Variants in NFKB1 observed in about 807,000 individuals in gnomAD.
NFKB1 encodes nuclear factor kappa B subunit 1.
In NFKB1, 9 loss-of-function variants were observed where a neutral mutation model predicts 105.1. The ratio of observed to expected loss-of-function variants is 0.09; its 90% confidence interval spans 0.05 to 0.15. The LOEUF (loss-of-function observed/expected upper bound fraction) is 0.15. Among genes scored for constraint, NFKB1 ranks in the 10% least tolerant of loss-of-function variants. The pLI, the probability that NFKB1 is intolerant of heterozygous loss-of-function variation, is 1.00. For missense variants in NFKB1, 830 were observed against 1,203.7 expected, an observed-to-expected ratio of 0.69 and a Z score of 4.59; for synonymous variants, 440 against 442.2, an observed-to-expected ratio of 1.00 and a Z score of 0.06.
intron 3 of NFKB1, among the ~76,000 whole-genome samples, chr4:102,533,223 C>G (rs571198797): frequency 6.6e-6 from 1 of 151,848 alleles, no homozygotes; most frequent in Non-Finnish European, 1.5e-5. Flanking sequence ...TTGGGAGTGT[C>G]GGGGAGGAAA....
chr4:102,608,212 C>G (rs1288456688), intron 19 of NFKB1, among the ~76,000 whole-genome samples: 2 of 152,160 alleles, frequency 1.3e-5, no homozygotes, highest in Non-Finnish European at 2.9e-5. Flanking sequence ...TATTAAGACC[C>G]ATTATGTGGA....
At position 102,594,384 on chromosome 4, in the gene NFKB1, A is replaced by G. The variant is rs4648056; in HGVS notation, c.1211-508A>G. Among the ~76,000 whole-genome samples the G allele has an allele frequency of 4.9e-3, 747 of 152,312 alleles. 3 individuals are homozygous for G. The highest frequency in any genetic ancestry group is 8.5e-3 in the Non-Finnish European group (580 of 68,024). On this transcript the variant is annotated intron_variant, in intron 12 of 23. Transcript: ENST00000226574. ...AAATTAGAGTCTTTGTAGTAAAATT[A>G]CTACGTCAGAGGGCATGACATCTAA...
rs1049483974 is a variant in NFKB1, at chr4:102,598,358, C to T, written c.1637+697C>T. Among the ~76,000 whole-genome samples the T allele has an allele frequency of 2.6e-5, 4 of 152,236 alleles. No individual in the cohort carries two copies. In the South Asian group the frequency reaches 8.3e-4, roughly 32 times the overall value. On this transcript the variant is annotated intron_variant, in intron 15 of 23. Coordinates refer to ENST00000226574, the MANE Select transcript of NFKB1 (RefSeq NM_003998.4). ...AGCCTATAAAAATAACAAGAGACAGCAGCCTTCACATTCAAGTCAAGTGCC... is the reference window on the plus strand; with the variant it reads ...AGCCTATAAAAATAACAAGAGACAGTAGCCTTCACATTCAAGTCAAGTGCC...
intron 1 of NFKB1, among the ~76,000 whole-genome samples, chr4:102,517,202 C>G (rs1049207035): frequency 1.3e-5 from 2 of 152,116 alleles, no homozygotes; most frequent in African/African-American, 4.8e-5. Context: ...TCTTTGGGCT[C>G]TCCCTGTGTC....
chr4:102,612,653 CT>C (rs1158855936), intron 22 of NFKB1, 47 bp downstream of exon 22: 1 of 1,528,446 alleles, frequency 6.5e-7, no homozygotes, highest in African/African-American at 1.4e-5. Context: ...TGACTTTACT[CT>C]GTTAACATCT....
intron 23 of NFKB1, 90 bp from the exon 24 acceptor site, chr4:102,616,344 A>G: frequency 7.0e-7 from 1 of 1,429,030 alleles, no homozygotes. Context: ...GGCTGGCAGA[A>G]GCCAGTGGGC....
chr4:102,578,938 TCAG>T lies in NFKB1; in HGVS notation c.631_633del (p.Ser211del). 6.2e-7 allele frequency: 1 copy of T among 1,614,154 alleles called. No individual in the cohort carries two copies. Among genetic ancestry groups the T allele is most frequent in the Non-Finnish European group, 8.5e-7 (1 of 1,180,002 alleles). ...CTGCAGCAGACCAAGGAGATGGACCTCAGCGTGGTGCGGCTCATGTTTACAGCT... is the reference window on the plus strand; with the variant it reads ...CTGCAGCAGACCAAGGAGATGGACCTCGTGGTGCGGCTCATGTTTACAGCT... On this transcript the variant is annotated inframe_deletion, in exon 8 of 24. Transcript: ENST00000226574.
At chr4:102,593,937 C>T (rs1726390716) in intron 12 of NFKB1, among the ~76,000 whole-genome samples, 1 of 152,110 alleles carries the variant, frequency 6.6e-6, no homozygotes, top group Admixed American at 6.5e-5. Context: ...TATTAAACAT[C>T]TCTATATACT....
chr4:102,530,145 C>T (rs1360274184), intron 3 of NFKB1, among the ~76,000 whole-genome samples: 3 of 152,182 alleles, frequency 2.0e-5, no homozygotes, highest in South Asian at 4.1e-4. Context: ...TAGGACTACT[C>T]AGAAGGAATT....
At chr4:102,583,782 TCTC>T (rs376532232) in intron 10 of NFKB1, among the ~76,000 whole-genome samples, 1 of 52,642 alleles carries the variant, frequency 1.9e-5, no homozygotes, top group African/African-American at 6.8e-5. Flanking sequence ...TGAAGAGTAT[TCTC>T]CTATTTACAA....
intron 3 of NFKB1, among the ~76,000 whole-genome samples, chr4:102,530,960 T>C (rs1741252503): frequency 6.6e-6 from 1 of 152,218 alleles, no homozygotes; most frequent in Non-Finnish European, 1.5e-5. Context: ...TGTGAAGTGC[T>C]GTCCAATTTG....
At chr4:102,506,334 T>C (rs1739414698) in intron 1 of NFKB1, among the ~76,000 whole-genome samples, 1 of 152,184 alleles carries the variant, frequency 6.6e-6, no homozygotes, top group Admixed American at 6.5e-5. Flanking sequence ...TCTAAATTAA[T>C]CAACCAAAAA....
intron 11 of NFKB1, chr4:102,593,210 T>C (rs977625915): frequency 2.4e-6 from 1 of 412,824 alleles, no homozygotes; most frequent in East Asian, 4.0e-5. Context: ...TTTGGGTGTG[T>C]ACTGCTCTGT....
At chr4:102,591,397 G>A (rs1201873543) in intron 11 of NFKB1, among the ~76,000 whole-genome samples, 1 of 138,896 alleles carries the variant, frequency 7.2e-6, no homozygotes, top group Non-Finnish European at 1.5e-5. Context: ...TCCAGCCTGG[G>A]CAACAGAGTG....
At chr4:102,507,140 T>C (rs915643455) in intron 1 of NFKB1, among the ~76,000 whole-genome samples, 1 of 151,730 alleles carries the variant, frequency 6.6e-6, no homozygotes. Context: ...ACAATTGCAC[T>C]GTAAAGCCGT....
At chr4:102,596,401 A>G in intron 14 of NFKB1, 69 bp downstream of exon 14, 2 of 1,219,166 alleles carry the variant, frequency 1.6e-6, no homozygotes, top group Non-Finnish European at 2.2e-6. Context: ...GCAGAAAGAT[A>G]TCTGCTAATC....
At chr4:102,557,898 T>A (rs1344704446) in intron 5 of NFKB1, among the ~76,000 whole-genome samples, 1 of 152,104 alleles carries the variant, frequency 6.6e-6, no homozygotes, top group East Asian at 1.9e-4. Flanking sequence ...TACCAGATAC[T>A]GTAGGGCCAG....
intron 1 of NFKB1, among the ~76,000 whole-genome samples, chr4:102,517,178 C>T (rs555872481): frequency 2.0e-5 from 3 of 152,194 alleles, no homozygotes; most frequent in East Asian, 3.9e-4. Flanking sequence ...GATATTCTGC[C>T]CATTGGTGTT....
intron 9 of NFKB1, among the ~76,000 whole-genome samples, chr4:102,580,879 G>A (rs1202562680): frequency 1.3e-5 from 2 of 152,116 alleles, no homozygotes; most frequent in Non-Finnish European, 2.9e-5. Flanking sequence ...TAAGAAAACC[G>A]TGATAATTAT....
Sources: gnomAD v4.1 joint callset for allele counts (sites outside exome capture counted in the v4.1 genomes callset) on GRCh38, gnomAD v4.1.1 for gene constraint, MANE v1.5 for transcripts, NCBI Gene and HGNC (gene_info 2026-07-23, HGNC 2026-07-21) for gene names.